HSD17B3: variants seen among roughly 807,000 people sequenced by gnomAD.
HSD17B3 encodes hydroxysteroid 17-beta dehydrogenase 3, also known as 17-beta-hydroxysteroid dehydrogenase type 3.
A neutral mutation model predicts 41.1 loss-of-function variants in HSD17B3; 29 were observed. The observed-to-expected ratio is 0.71, with a 90% CI of 0.53 to 0.96. The LOEUF (loss-of-function observed/expected upper bound fraction) is 0.96. HSD17B3 is among the 40% of genes least tolerant of loss of function. The probability of loss-of-function intolerance (pLI) is 0.00; values close to 1 mark genes in which losing one functional copy is unlikely to be tolerated. For missense variants in HSD17B3, 323 were observed against 374.6 expected, an observed-to-expected ratio of 0.86 and a Z score of 1.14; for synonymous variants, 126 against 145.6, an observed-to-expected ratio of 0.87 and a Z score of 0.97.
At chr9:96,280,355 C>T (rs1184513833) in intron 2 of HSD17B3, among the ~76,000 whole-genome samples, 1 of 152,170 alleles carries the variant, frequency 6.6e-6, no homozygotes. Flanking sequence ...AACGACTATT[C>T]CACAGTATAA....
chr9:96,250,132 C>G (rs1467130095), intron 5 of HSD17B3: 1 of 1,269,104 alleles, frequency 7.9e-7, no homozygotes, highest in Non-Finnish European at 1.0e-6. Flanking sequence ...CTATGTGAGT[C>G]CAGGAGAACA....
intron 9 of HSD17B3, 26 bp from the exon 10 acceptor site, chr9:96,240,933 C>T (rs1836416749): frequency 1.2e-6 from 2 of 1,613,872 alleles, no homozygotes; most frequent in Non-Finnish European, 1.7e-6. Context: ...AAGACCATGG[C>T]ACAGAAGCAA....
At chr9:96,272,130 A>T (rs1826265525) in intron 2 of HSD17B3, among the ~76,000 whole-genome samples, 1 of 151,450 alleles carries the variant, frequency 6.6e-6, no homozygotes. Flanking sequence ...GCACTTTGGG[A>T]GTCTAAGGCA....
At chr9:96,261,640 C>T (rs756495660) in intron 2 of HSD17B3, among the ~76,000 whole-genome samples, 6 of 152,210 alleles carry the variant, frequency 3.9e-5, no homozygotes, top group East Asian at 1.9e-4. Context: ...GGCACCTCCA[C>T]GGGGAGAACC....
At chr9:96,249,343 T>C (rs1037928126) in intron 6 of HSD17B3, among the ~76,000 whole-genome samples, 2 of 152,214 alleles carry the variant, frequency 1.3e-5, no homozygotes, top group Admixed American at 6.5e-5. Flanking sequence ...CAAATATTTA[T>C]TGAACAACAA....
At chr9:96,290,958 C>G (rs1186197885) in intron 2 of HSD17B3, among the ~76,000 whole-genome samples, 1 of 152,112 alleles carries the variant, frequency 6.6e-6, no homozygotes, top group Admixed American at 6.5e-5. Context: ...CTACTCCAAG[C>G]AAACACCTTG....
chr9:96,277,496 A>G (rs1826510869), intron 2 of HSD17B3, among the ~76,000 whole-genome samples: 1 of 152,248 alleles, frequency 6.6e-6, no homozygotes, highest in Non-Finnish European at 1.5e-5. Context: ...TATCAAGGAA[A>G]TGCAGATGAA....
At chr9:96,276,129 A>AAAC (rs1554700169) in intron 2 of HSD17B3, among the ~76,000 whole-genome samples, 2 of 138,492 alleles carry the variant, frequency 1.4e-5, no homozygotes, top group Non-Finnish European at 3.2e-5. Context: ...AAAAAAAAAA[A>AAAC]AAACAGAAGA....
At chr9:96,242,126 C>G (rs554540326) in intron 9 of HSD17B3, among the ~76,000 whole-genome samples, 1 of 151,796 alleles carries the variant, frequency 6.6e-6, no homozygotes, top group Non-Finnish European at 1.5e-5. Context: ...AATTATGAAT[C>G]AATTAATCCA....
At chr9:96,250,942 A>G (rs1168410566) in intron 5 of HSD17B3, among the ~76,000 whole-genome samples, 1 of 151,958 alleles carries the variant, frequency 6.6e-6, no homozygotes, top group Non-Finnish European at 1.5e-5. Context: ...CCAACCAACA[A>G]TGGCAGTCAT....
intron 2 of HSD17B3, among the ~76,000 whole-genome samples, chr9:96,261,599 G>A (rs1018156170): frequency 4.5e-4 from 68 of 152,310 alleles, no homozygotes; most frequent in African/African-American, 1.1e-3. Flanking sequence ...GGGTGCATTC[G>A]CCAGGGCCAA....
At chr9:96,294,204 T>G (rs1470920844) in intron 2 of HSD17B3, among the ~76,000 whole-genome samples, 3 of 150,752 alleles carry the variant, frequency 2.0e-5, no homozygotes, top group African/African-American at 4.9e-5. Context: ...TGCTTAAGCT[T>G]AGGAATTTGA....
chr9:96,251,164 G>A, intron 5 of HSD17B3: 1 of 568,244 alleles, frequency 1.8e-6, no homozygotes, highest in Non-Finnish European at 3.1e-6. Context: ...AGAAGCATAG[G>A]ACAATGGACA....
chr9:96,290,607 G>C (rs906801707), intron 2 of HSD17B3, among the ~76,000 whole-genome samples: 2 of 151,988 alleles, frequency 1.3e-5, no homozygotes, highest in African/African-American at 2.4e-5. Flanking sequence ...GCCAAGGCAG[G>C]TGGATCACCT....
rs533052242 is a variant in HSD17B3 at position 96,245,561 on chromosome 9, C to T, written c.525-135G>A. On this transcript the variant is annotated intron_variant, in intron 7 of 10. Coordinates refer to ENST00000375263, the MANE Select transcript of HSD17B3 (RefSeq NM_000197.2). Reference sequence around the variant, plus strand: ...GCTTCCGCAAGTGCTAGGGGCTCTGCTTCTAGGAATGGTAAGTGAACTTCC... The same window carrying T: ...GCTTCCGCAAGTGCTAGGGGCTCTGTTTCTAGGAATGGTAAGTGAACTTCC... 6.3e-5 allele frequency: 45 copies of T among 711,648 alleles called. No homozygotes were observed. In the African/African-American group the frequency reaches 7.0e-4, roughly 11 times the overall value. The allele number at this position is 711,648 out of a possible 1,614,324, so 44.1% of individuals were successfully genotyped here.
At position 96,292,704 on chromosome 9, in the gene HSD17B3, G is replaced by A. The variant is rs114316280; in HGVS notation, c.201+5712C>T. ...TCAAGAGGCTGAGTAAACCCCAAAC[G>A]GGTAAAACCAAAGAAATCCATGCCA... On this transcript the variant is annotated intron_variant, in intron 2 of 10. Transcript: ENST00000375263. 1.4e-3 allele frequency among the ~76,000 whole-genome samples: 206 copies of A among 152,146 alleles called. 1 individual carries two copies. The highest frequency in any genetic ancestry group is 4.6e-3 in the African/African-American group (192 of 41,496).
At chr9:96,292,185 T>C (rs539820280) in intron 2 of HSD17B3, among the ~76,000 whole-genome samples, 23 of 151,586 alleles carry the variant, frequency 1.5e-4, no homozygotes, top group African/African-American at 5.1e-4. Flanking sequence ...AAAAAGCAAT[T>C]ACCCAATATA....
At chr9:96,246,148 G>A (rs143927628) in intron 7 of HSD17B3, among the ~76,000 whole-genome samples, 1 of 152,312 alleles carries the variant, frequency 6.6e-6, no homozygotes, top group Admixed American at 6.5e-5. Context: ...GGAATAAGTG[G>A]AGGAGCTGAC....
chr9:96,288,163 T>G (rs1826998948), intron 2 of HSD17B3, among the ~76,000 whole-genome samples: 1 of 152,210 alleles, frequency 6.6e-6, no homozygotes, highest in South Asian at 2.1e-4. Context: ...TACCTGATCT[T>G]ACTCGAGTGA....
Sources: allele counts gnomAD v4.1 joint callset (sites outside exome capture counted in the v4.1 genomes callset), GRCh38; gene constraint gnomAD v4.1.1; transcripts MANE v1.5; gene names NCBI Gene and HGNC (gene_info 2026-07-23, HGNC 2026-07-21).